DENND5A: variants seen among roughly 807,000 people sequenced by gnomAD.
DENND5A encodes the protein DENN domain containing 5A, also known as DENN domain-containing protein 5A.
In DENND5A, 64 loss-of-function variants were observed where a neutral mutation model predicts 140.3. That is an observed-to-expected ratio of 0.46 (90% CI 0.37 to 0.56). The LOEUF (loss-of-function observed/expected upper bound fraction) is 0.56, where lower values mean the gene tolerates loss of function less well. DENND5A is among the 20% of genes least tolerant of loss of function. The probability of loss-of-function intolerance (pLI) is 0.00; values close to 1 mark genes in which losing one functional copy is unlikely to be tolerated. For missense variants in DENND5A, 1,292 were observed against 1,593.8 expected (o/e 0.81, Z 3.22); for synonymous variants, 605 against 607.7 (o/e 1.00, Z 0.07).
intron 1 of DENND5A, among the ~76,000 whole-genome samples, chr11:9,237,633 C>T (rs1356091982): frequency 1.3e-5 from 2 of 152,130 alleles, no homozygotes; most frequent in African/African-American, 4.8e-5. Flanking sequence ...TGCCTGTAAT[C>T]CCAGCACTTT....
At chr11:9,195,912 G>A (rs1849309879) in intron 4 of DENND5A, among the ~76,000 whole-genome samples, 1 of 152,206 alleles carries the variant, frequency 6.6e-6, no homozygotes, top group Non-Finnish European at 1.5e-5. Context: ...AAAAAAGGAT[G>A]TCTTTTAAAT....
At chr11:9,250,036 A>T (rs1851652070) in intron 1 of DENND5A, among the ~76,000 whole-genome samples, 1 of 106,004 alleles carries the variant, frequency 9.4e-6, no homozygotes, top group Admixed American at 9.5e-5. Flanking sequence ...GCCTTTAAAA[A>T]TAAAATTTAA....
intron 1 of DENND5A, among the ~76,000 whole-genome samples, chr11:9,261,903 G>A (rs1310354885): frequency 1.3e-5 from 2 of 151,528 alleles, no homozygotes; most frequent in Admixed American, 6.6e-5. Context: ...GCCACCTATC[G>A]GAAATGTGGT....
intron 1 of DENND5A, among the ~76,000 whole-genome samples, chr11:9,255,298 A>C (rs1851897694): frequency 1.3e-5 from 2 of 152,182 alleles, no homozygotes; most frequent in African/African-American, 4.8e-5. Context: ...GTCTCTCAAA[A>C]GGTTAAACAC....
At chr11:9,251,905 C>T (rs1044199493) in intron 1 of DENND5A, among the ~76,000 whole-genome samples, 4 of 151,792 alleles carry the variant, frequency 2.6e-5, no homozygotes, top group Admixed American at 6.6e-5. Context: ...AGGAGAATGG[C>T]GTGAACCTAG....
intron 6 of DENND5A, among the ~76,000 whole-genome samples, 156 bp from the exon 7 acceptor site, chr11:9,179,229 A>G (rs1236424952): frequency 6.6e-6 from 1 of 152,194 alleles, no homozygotes; most frequent in African/African-American, 2.4e-5. Flanking sequence ...GAAAAAATAA[A>G]TAAATAAAAG....
intron 1 of DENND5A, among the ~76,000 whole-genome samples, chr11:9,216,822 G>A (rs895119148): frequency 3.9e-5 from 6 of 152,160 alleles, no homozygotes; most frequent in African/African-American, 1.4e-4. Flanking sequence ...AGTGAGCTGT[G>A]ATGGTGCTAC....
chr11:9,161,126 T>C (rs893653009), intron 11 of DENND5A, among the ~76,000 whole-genome samples: 1 of 152,170 alleles, frequency 6.6e-6, no homozygotes, highest in South Asian at 2.1e-4. Flanking sequence ...GTTGGGCGGA[T>C]CACAAGGTCA....
Position 9,177,164 on chromosome 11 carries a change from G to T in DENND5A, c.1906+968C>A, listed in dbSNP as rs1011666552. Among the ~76,000 whole-genome samples, 4 of 148,856 alleles carry T rather than the reference G, an allele frequency of 2.7e-5. No individual in the cohort carries two copies. The East Asian group carries it at 8.0e-4, about 30-fold the overall frequency. ...AGCTACACGGGAGACTGAGGTGAGA[G>T]AATTGCTTGAGCCTAGGAAGTCAAG... is the stretch of plus-strand genomic sequence containing the variant. On this transcript the variant is annotated intron_variant, in intron 8 of 22. Coordinates refer to ENST00000328194, the MANE Select transcript of DENND5A (RefSeq NM_015213.4).
chr11:9,253,834 T>A (rs1468490390), intron 1 of DENND5A, among the ~76,000 whole-genome samples: 1 of 150,828 alleles, frequency 6.6e-6, no homozygotes, highest in East Asian at 2.0e-4. Context: ...CCACTGCACT[T>A]TGGCCTGGGC....
intron 8 of DENND5A, 179 bp downstream of exon 8, chr11:9,177,953 G>A: frequency 1.6e-6 from 1 of 624,956 alleles, no homozygotes; most frequent in Non-Finnish European, 2.9e-6. Context: ...CTAACTAACA[G>A]TGTTAAAGGA....
intron 12 of DENND5A, among the ~76,000 whole-genome samples, chr11:9,159,944 CAT>C (rs1354793579): frequency 6.6e-6 from 1 of 152,292 alleles, no homozygotes; most frequent in East Asian, 1.9e-4. Context: ...CTCTGAAGAA[CAT>C]GTGTGGAAGA....
chr11:9,156,442 T>C (rs997475851), intron 12 of DENND5A, among the ~76,000 whole-genome samples: 3 of 152,014 alleles, frequency 2.0e-5, no homozygotes, highest in African/African-American at 7.2e-5. Flanking sequence ...CTGGCCAACA[T>C]GGTGAAACCC....
chr11:9,145,428 T>A (rs1398290199), intron 17 of DENND5A: 1 of 594,986 alleles, frequency 1.7e-6, no homozygotes, highest in African/African-American at 1.9e-5. Context: ...CAACACACTA[T>A]GCATGGAGAG....
chr11:9,218,180 G>A (rs1158063817), intron 1 of DENND5A, among the ~76,000 whole-genome samples: 2 of 151,972 alleles, frequency 1.3e-5, no homozygotes, highest in East Asian at 1.9e-4. Context: ...GACTGCATGA[G>A]CTCAGGAGGC....
chr11:9,255,342 G>C (rs1297388651), intron 1 of DENND5A, among the ~76,000 whole-genome samples: 1 of 152,192 alleles, frequency 6.6e-6, no homozygotes, highest in Non-Finnish European at 1.5e-5. Context: ...TGTAATCCCA[G>C]CACTTTGGGA....
chr11:9,167,420 C>T (rs1848226895), intron 10 of DENND5A, among the ~76,000 whole-genome samples: 1 of 150,348 alleles, frequency 6.7e-6, no homozygotes, highest in Non-Finnish European at 1.5e-5. Context: ...ACTTTAGATC[C>T]TGCCATGTCC....
At chr11:9,166,289 G>T (rs1239325277) in intron 10 of DENND5A, among the ~76,000 whole-genome samples, 1 of 151,898 alleles carries the variant, frequency 6.6e-6, no homozygotes, top group African/African-American at 2.4e-5. Context: ...ATGTTAGCCA[G>T]GATGGTCTTT....
chr11:9,259,850 G>A (rs572863243), intron 1 of DENND5A, among the ~76,000 whole-genome samples: 5 of 151,998 alleles, frequency 3.3e-5, no homozygotes, highest in Admixed American at 3.3e-4. Context: ...CCAACATGGC[G>A]AAATCCTGTC....
Sources: gnomAD v4.1 joint callset for allele counts (sites outside exome capture counted in the v4.1 genomes callset) on GRCh38, gnomAD v4.1.1 for gene constraint, MANE v1.5 for transcripts, NCBI Gene and HGNC (gene_info 2026-07-23, HGNC 2026-07-21) for gene names.